Variants in REST observed in about 807,000 individuals in gnomAD.
The protein encoded by REST is RE1 silencing transcription factor.
A neutral mutation model predicts 30.4 loss-of-function variants in REST; 1 was observed. That is an observed-to-expected ratio of 0.03 (90% CI 0.01 to 0.16). The LOEUF (loss-of-function observed/expected upper bound fraction) is 0.16. Among genes scored for constraint, REST ranks in the 10% least tolerant of loss-of-function variants. REST has a pLI of 1.00. For synonymous variants in REST, 504 were observed against 451.1 expected (o/e 1.12, Z -1.49); for missense variants, 1,259 against 1,329.5 (o/e 0.95, Z 0.82).
At chr4:56,914,169 A>G (rs941111934) in intron 2 of REST, among the ~76,000 whole-genome samples, 7 of 150,310 alleles carry the variant, frequency 4.7e-5, no homozygotes, top group African/African-American at 1.5e-4. Flanking sequence ...AGCTCAAGTA[A>G]TCTGCCCTTA....
In REST at chr4:56,910,647, C is replaced by G; in HGVS notation, c.9C>G (p.Thr3=). 1 of 1,607,240 alleles carries G rather than the reference C, an allele frequency of 6.2e-7. No homozygotes were observed. The highest frequency in any genetic ancestry group is 8.5e-7 in the Non-Finnish European group (1 of 1,175,116). Residue 3 remains threonine, a synonymous_variant, in exon 2 of 4, where the codon ACC becomes ACG. Coordinates refer to ENST00000309042, the MANE Select transcript of REST (RefSeq NM_005612.5). ...TAATTCAGAATACAGTTATGGCCAC[C>G]CAGGTAATGGGGCAGTCTTCTGGAG... The part of the protein sequence containing the change: MA[T]QVMGQSSGGG...
rs1200727035 is a variant in REST, at chr4:56,935,678, T to C, written c.*3526T>C. ...TGGAAGATCTTTTATACATTTGTAA[T>C]AGATAAAAATAAACCAGATTGCAAA... On this transcript the variant is annotated 3_prime_UTR_variant, in exon 4 of 4. Transcript: ENST00000309042. 3.3e-5 allele frequency: 5 copies of C among 152,238 alleles called. No individual in the cohort carries two copies. Among genetic ancestry groups the C allele is most frequent in the African/African-American group, 7.2e-5 (3 of 41,460 alleles). 9.4% of individuals were successfully genotyped at this position (152,238 alleles called of 1,614,324 possible).
rs1464878055 is a variant in REST, at chr4:56,934,899, A to G, written c.*2747A>G. 2 of 151,754 alleles carry G rather than the reference A, an allele frequency of 1.3e-5. No homozygotes were observed. Among genetic ancestry groups the G allele is most frequent in the African/African-American group, 2.4e-5 (1 of 41,288 alleles). 9.4% of individuals were successfully genotyped at this position (151,754 alleles called of 1,614,324 possible). On this transcript the variant is annotated 3_prime_UTR_variant, in exon 4 of 4. Coordinates refer to ENST00000309042, the MANE Select transcript of REST (RefSeq NM_005612.5). ...TCTCTTAACTATCTTTTGAACCTGT[A>G]TTCACATTGGTTTTCAAGATATTTT...
Position 56,910,902 on chromosome 4 carries a change from A to C in REST, c.264A>C (p.Glu88Asp). The C allele has an allele frequency of 6.2e-7, 1 of 1,614,224 alleles. No individual in the cohort carries two copies. Among genetic ancestry groups the C allele is most frequent in the Non-Finnish European group, 8.5e-7 (1 of 1,180,034 alleles). Residue 88 changes from glutamate (E) to aspartate (D), a missense_variant, in exon 2 of 4, where the codon GAA becomes GAC. By Grantham distance (45) the Glu-to-Asp change is conservative (BLOSUM62 2). This residue lies in a region of REST where 249 missense variants were observed against 251.5 expected (regional missense o/e 0.99). Coordinates refer to ENST00000309042, the MANE Select transcript of REST (RefSeq NM_005612.5). ...GGGATAACAACTTTTCAGATAGTGAAGAAGGAGAAGGACTTGAAGAGTCTG... is the reference window on the plus strand; with the variant it reads ...GGGATAACAACTTTTCAGATAGTGACGAAGGAGAAGGACTTGAAGAGTCTG... ...PVGDNNFSDS[E>D]EGEGLEESAD...
At chr4:56,927,070 T>C (rs552700369) in intron 3 of REST, among the ~76,000 whole-genome samples, 1 of 150,158 alleles carries the variant, frequency 6.7e-6, no homozygotes, top group Admixed American at 6.7e-5. Flanking sequence ...CACTCCAGAC[T>C]GGGCAACAAG....
rs61748753 is a variant in REST, at chr4:56,910,912, G to A, written c.274G>A (p.Gly92Arg). The A allele has an allele frequency of 3.2e-3, 5,114 of 1,614,136 alleles. 11 individuals carry two copies. Among genetic ancestry groups the A allele is most frequent in the Non-Finnish European group, 3.9e-3 (4,571 of 1,180,028 alleles). Residue 92 changes from glycine (G) to arginine (R), a missense_variant, in exon 2 of 4, where the codon GGA becomes AGA. Gly to Arg is a moderately radical substitution (Grantham distance 125). Transcript: ENST00000309042. ...CTTTTCAGATAGTGAAGAAGGAGAA[G>A]GACTTGAAGAGTCTGCTGATATAAA... ...NNFSDSEEGEGLEESADIKGE... is the reference protein window; with the variant it reads ...NNFSDSEEGERLEESADIKGE...
At chr4:56,909,276 G>A (rs1719784770) in intron 1 of REST, 1 of 152,518 alleles carries the variant, frequency 6.6e-6, no homozygotes, top group Admixed American at 6.5e-5. Context: ...GCCCGAGTTT[G>A]CAAAGAGCTG....
chr4:56,920,125 G>A lies in REST; in HGVS notation c.982+255G>A, dbSNP rs908399490. The A allele has an allele frequency of 2.1e-5, 6 of 285,172 alleles. No individual in the cohort carries two copies. The Admixed American group carries it at 2.8e-4, about 13-fold the overall frequency. 17.7% of individuals were successfully genotyped at this position (285,172 alleles called of 1,614,324 possible). A position where few individuals can be genotyped will look rare whatever the true frequency, so the allele number is the denominator to read the frequency against. On this transcript the variant is annotated intron_variant, in intron 3 of 3. Transcript: ENST00000309042. ...TTAATTCTCATCAAATCTTTGAAGC[G>A]TTCCGTGACTCCAACAAAAGTTAAA... is the stretch of plus-strand genomic sequence containing the variant.
chr4:56,924,198 A>C (rs1292032047), intron 3 of REST, among the ~76,000 whole-genome samples: 1 of 152,198 alleles, frequency 6.6e-6, no homozygotes, highest in Non-Finnish European at 1.5e-5. Flanking sequence ...GTTGGTGCCA[A>C]GGGACTTTTA....
intron 3 of REST, among the ~76,000 whole-genome samples, chr4:56,925,107 G>A (rs532804286): frequency 2.7e-5 from 4 of 150,072 alleles, no homozygotes; most frequent in Admixed American, 1.3e-4. Flanking sequence ...GGTGGTTGCA[G>A]TGAGCCGAGA....
At chr4:56,929,680 G>C (rs1720876720) in intron 3 of REST, among the ~76,000 whole-genome samples, 161 bp from the exon 4 acceptor site, 1 of 152,202 alleles carries the variant, frequency 6.6e-6, no homozygotes, top group South Asian at 2.1e-4. Flanking sequence ...TCAATGTCAA[G>C]GGATAGAGAA....
rs1358568992 is a variant in REST at position 56,930,846 on chromosome 4, A to G, written c.1988A>G (p.Gln663Arg). The G allele has an allele frequency of 3.1e-6, 5 of 1,612,960 alleles. No individual in the cohort carries two copies. ...QMEVVQEGPA[Q>R]KELLPPVEPA... ...GAGGTGGTTCAGGAGGGGCCTGCTC[A>G]GAAGGAGCTGCTGCCTCCCGTGGAG... The change falls in exon 4 of 4, where the codon CAG becomes CGG. Residue 663 changes from glutamine (Q) to arginine (R), a missense_variant. Physicochemically the swap from Gln to Arg is conservative, Grantham distance 43. This residue lies in a region of REST where 856 missense variants were observed against 772.8 expected (regional missense o/e 1.11). Coordinates refer to ENST00000309042, the MANE Select transcript of REST (RefSeq NM_005612.5).
rs1469344830 is a variant in REST, at chr4:56,934,231, G to A, written c.*2079G>A. 2 of 152,162 alleles carry A rather than the reference G, an allele frequency of 1.3e-5. No homozygotes were observed. The highest frequency in any genetic ancestry group is 4.8e-5 in the African/African-American group (2 of 41,432). 9.4% of individuals were successfully genotyped at this position (152,162 alleles called of 1,614,324 possible). On this transcript the variant is annotated 3_prime_UTR_variant, in exon 4 of 4. Transcript: ENST00000309042. The stretch of plus-strand genomic sequence containing the variant: ...AGTCTTTCTAATGACTAGTTTTAAT[G>A]TTCATGGGTACATTTTACCTAAGTT...
chr4:56,927,120 T>A (rs926829567), intron 3 of REST, among the ~76,000 whole-genome samples: 1 of 151,370 alleles, frequency 6.6e-6, no homozygotes, highest in African/African-American at 2.4e-5. Flanking sequence ...AAGAAAGAAA[T>A]TGAACTCTAG....
At chr4:56,929,081 T>C (rs532387448) in intron 3 of REST, among the ~76,000 whole-genome samples, 260 of 151,828 alleles carry the variant, frequency 1.7e-3, no homozygotes, top group Non-Finnish European at 2.8e-3. Flanking sequence ...TTTTTTTTTT[T>C]TTCTTTGAGA....
chr4:56,931,842 C>T lies in REST; in HGVS notation c.2984C>T (p.Ala995Val). The change falls in exon 4 of 4, where the codon GCT (alanine) becomes GTT (valine). Residue 995 changes from alanine to valine, a missense_variant. Around this residue, in one of 5 missense-constraint regions of REST, gnomAD observed 856 missense variants for 772.8 expected, o/e 1.11. Transcript: ENST00000309042. ...AAAACTGCACTGGCATCACCTCCTG[C>T]TACAATGGCAGCAAATGAGTCTCAG... The part of the protein sequence containing the change: ...VSKTALASPP[A>V]TMAANESQEI... 6.2e-7 allele frequency: 1 copy of T among 1,614,154 alleles called. No individual in the cohort carries two copies. The highest frequency in any genetic ancestry group is 8.5e-7 in the Non-Finnish European group (1 of 1,180,002).
intron 2 of REST, among the ~76,000 whole-genome samples, chr4:56,916,646 T>A (rs554618294): frequency 6.3e-4 from 96 of 152,190 alleles, no homozygotes; most frequent in Non-Finnish European, 1.0e-3. Flanking sequence ...CAAAAAAAAA[T>A]AATAATAAAA....
At chr4:56,921,977 A>G (rs752401367) in intron 3 of REST, among the ~76,000 whole-genome samples, 29 of 152,186 alleles carry the variant, frequency 1.9e-4, no homozygotes, top group Admixed American at 7.2e-4. Flanking sequence ...ACTTGATAAT[A>G]AGACTTGATT....
At position 56,933,784 on chromosome 4, in the gene REST, A is replaced by G. The variant is rs1322613875; in HGVS notation, c.*1632A>G. ...CAGTCATTCATTGCAGTAAAATAAAATATGATCCCATTAGGGAATCTTGAA... is the reference window on the plus strand; with the variant it reads ...CAGTCATTCATTGCAGTAAAATAAAGTATGATCCCATTAGGGAATCTTGAA... On this transcript the variant is annotated 3_prime_UTR_variant, in exon 4 of 4. Coordinates refer to ENST00000309042, the MANE Select transcript of REST (RefSeq NM_005612.5). The G allele has an allele frequency of 6.6e-6, 1 of 152,206 alleles. No individual in the cohort carries two copies. Among genetic ancestry groups the G allele is most frequent in the African/African-American group, 2.4e-5 (1 of 41,464 alleles). 9.4% of individuals were successfully genotyped at this position (152,206 alleles called of 1,614,324 possible).
Sources: allele counts gnomAD v4.1 joint callset (sites outside exome capture counted in the v4.1 genomes callset), GRCh38; gene constraint gnomAD v4.1.1; regional missense constraint gnomAD v4.1.1; transcripts MANE v1.5; gene names NCBI Gene and HGNC (gene_info 2026-07-23, HGNC 2026-07-21).